The following TENM1 variants were observed in gnomAD, a reference collection of about 807,000 sequenced individuals.
The protein encoded by TENM1 is teneurin-1.
Under a neutral mutation model 174.8 loss-of-function variants are expected in TENM1, and 35 were observed. That is an observed-to-expected ratio of 0.20 (90% CI 0.15 to 0.27). The LOEUF (loss-of-function observed/expected upper bound fraction) is 0.27. Ranked by LOEUF, TENM1 falls within the 10% of genes least tolerant of loss-of-function variation. The pLI, the probability that TENM1 is intolerant of heterozygous loss-of-function variation, is 1.00. For missense variants in TENM1, 1,633 were observed against 2,130.1 expected (o/e 0.77, Z 4.59); for synonymous variants, 781 against 798.7 (o/e 0.98, Z 0.37).
At chrX:124,376,146 T>C (rs1203749016) in exon 32 of TENM1, 1 of 111,726 alleles carries the variant, frequency 9.0e-6, no homozygotes, top group African/African-American at 3.3e-5. Flanking sequence ...GAATACAAAA[T>C]TGGAACCTAT....
chrX:124,662,165 C>T (rs939199025), intron 6 of TENM1, among the ~76,000 whole-genome samples: 1 of 110,987 alleles, frequency 9.0e-6, no homozygotes, highest in Non-Finnish European at 1.9e-5. Context: ...TGTCTTCAAA[C>T]AAACACAAGT....
intron 5 of TENM1, among the ~76,000 whole-genome samples, chrX:124,682,198 A>G (rs1179175413): frequency 1.8e-5 from 2 of 111,567 alleles, no homozygotes; most frequent in African/African-American, 6.5e-5. Context: ...TTCCTCTATC[A>G]TCAGGGCACT....
At position 124,916,802 on chromosome X, in the gene TENM1, CTT is replaced by C. The variant is rs2057933286; in HGVS notation, c.218-20563_218-20562del. 3.7e-5 allele frequency among the ~76,000 whole-genome samples: 4 copies of C among 109,224 alleles called. No individual in the cohort carries two copies. The South Asian group carries it at 1.2e-3, about 33-fold the overall frequency. The allele number at this position is 109,224 out of a possible 115,157, so 94.8% of individuals were successfully genotyped here. A position where few individuals can be genotyped will look rare whatever the true frequency, so the allele number is the denominator to read the frequency against. ...TCTCTCTCTCTCTCTCTCTCTCTCT[CTT>C]TCTACCTTTCCACTCCTCATCTTTG... is the stretch of plus-strand genomic sequence containing the variant. On this transcript the variant is annotated intron_variant, in intron 1 of 31. Coordinates refer to ENST00000422452, the Ensembl canonical transcript of TENM1.
chrX:124,725,354 A>G (rs930996797), intron 4 of TENM1, among the ~76,000 whole-genome samples: 1 of 111,970 alleles, frequency 8.9e-6, no homozygotes, highest in African/African-American at 3.2e-5. Context: ...CTTAATAAGT[A>G]TTTGTTAAAA....
chrX:124,515,474 T>C lies in TENM1; in HGVS notation c.3301+5043A>G, dbSNP rs991157012. On this transcript the variant is annotated intron_variant, in intron 18 of 31. Transcript: ENST00000422452. The stretch of plus-strand genomic sequence containing the variant: ...CCATAGATTTGGTCCCAAAGCTCCT[T>C]TAGCTGATAACTTCAGCAAAGTTTC... Among the ~76,000 whole-genome samples, 4 of 111,651 alleles carry C rather than the reference T, an allele frequency of 3.6e-5. No individual in the cohort carries two copies. In the Admixed American group the frequency reaches 3.8e-4, roughly 11 times the overall value.
At chrX:124,744,554 A>C (rs2053872315) in intron 3 of TENM1, among the ~76,000 whole-genome samples, 1 of 112,201 alleles carries the variant, frequency 8.9e-6, no homozygotes. Flanking sequence ...GTTTTATCTT[A>C]TGTTGACAAT....
At chrX:124,958,446 T>G (rs2058609134) in intron 1 of TENM1, among the ~76,000 whole-genome samples, 1 of 111,784 alleles carries the variant, frequency 8.9e-6, no homozygotes, top group South Asian at 3.8e-4. Context: ...CTAATGATAA[T>G]CAGAATGAAA....
At chrX:124,812,378 C>T (rs2055799808) in intron 3 of TENM1, among the ~76,000 whole-genome samples, 1 of 111,035 alleles carries the variant, frequency 9.0e-6, no homozygotes, top group South Asian at 3.7e-4. Context: ...TGATATGTGT[C>T]AGGAAAGAAA....
chrX:124,812,933 C>G (rs1344826412), intron 3 of TENM1, among the ~76,000 whole-genome samples: 1 of 109,831 alleles, frequency 9.1e-6, no homozygotes, highest in Non-Finnish European at 1.9e-5. Context: ...CTTGCTTTTT[C>G]CAGGAGGGGC....
the TENM1 span, among the ~76,000 whole-genome samples, chrX:125,176,368 G>C: frequency 8.1e-5 from 9 of 111,547 alleles, no homozygotes; most frequent in African/African-American, 2.3e-4. Context: ...CAGTAATGAA[G>C]TAGGCATTTT....
At chrX:124,808,998 T>C (rs960946372) in intron 3 of TENM1, among the ~76,000 whole-genome samples, 4 of 110,742 alleles carry the variant, frequency 3.6e-5, no homozygotes, top group East Asian at 5.7e-4. Flanking sequence ...AGAAATAAAA[T>C]AGAAATTATA....
At chrX:124,644,111 G>T (rs1569361459) in intron 10 of TENM1, among the ~76,000 whole-genome samples, 2 of 93,560 alleles carry the variant, frequency 2.1e-5, no homozygotes, top group East Asian at 3.2e-4. Flanking sequence ...GTATATGGCA[G>T]ATATATACAT....
Position 124,481,318 on chromosome X carries a change from C to A in TENM1, c.3949+414G>T, listed in dbSNP as rs1023554199. Among the ~76,000 whole-genome samples, 3 of 110,868 alleles carry A rather than the reference C, an allele frequency of 2.7e-5. No homozygotes were observed. In the Admixed American group the frequency reaches 2.9e-4, roughly 11 times the overall value. ...AGGTAGGCACAGACCTTATCGCAAG[C>A]AATGCAGGCTGAAGAGCCAAAGCAG... On this transcript the variant is annotated intron_variant, in intron 22 of 31. Coordinates refer to ENST00000422452, the Ensembl canonical transcript of TENM1.
the TENM1 span, among the ~76,000 whole-genome samples, chrX:125,080,466 A>G: frequency 1.8e-5 from 2 of 111,098 alleles, no homozygotes; most frequent in Non-Finnish European, 3.8e-5. Flanking sequence ...ATAAGCTAAC[A>G]TTTATTTAGT....
the TENM1 span, among the ~76,000 whole-genome samples, chrX:125,055,912 C>A: frequency 9.0e-6 from 1 of 111,722 alleles, no homozygotes; most frequent in Non-Finnish European, 1.9e-5. Context: ...TATTAACAGT[C>A]CAAAACATTA....
chrX:124,833,242 C>G (rs1173015588), intron 3 of TENM1, among the ~76,000 whole-genome samples: 2 of 111,809 alleles, frequency 1.8e-5, no homozygotes, highest in Non-Finnish European at 3.8e-5. Context: ...CAAATGATCC[C>G]TCTAGCTCTG....
chrX:124,814,135 A>C (rs1482813257), intron 3 of TENM1, among the ~76,000 whole-genome samples: 1 of 111,232 alleles, frequency 9.0e-6, no homozygotes, highest in East Asian at 2.8e-4. Context: ...TCATTTCTAG[A>C]GTCAGGCTGC....
chrX:124,875,555 T>A (rs2057183603), intron 3 of TENM1, among the ~76,000 whole-genome samples: 1 of 110,165 alleles, frequency 9.1e-6, no homozygotes, highest in Non-Finnish European at 1.9e-5. Context: ...AGAGCGGATA[T>A]CCTTGTTTTG....
At chrX:125,177,866 G>A in the TENM1 span, among the ~76,000 whole-genome samples, 1 of 111,845 alleles carries the variant, frequency 8.9e-6, no homozygotes, top group African/African-American at 3.2e-5. Context: ...CTATAAACAC[G>A]TAGCAAAACC....
Sources: gnomAD v4.1 joint callset for allele counts (sites outside exome capture counted in the v4.1 genomes callset) on GRCh38, gnomAD v4.1.1 for gene constraint, MANE v1.5 for transcripts, NCBI Gene and HGNC (gene_info 2026-07-23, HGNC 2026-07-21) for gene names.